SCAPER: variants seen among roughly 807,000 people sequenced by gnomAD.
The protein encoded by SCAPER is S-phase cyclin A associated protein in the ER, also known as S phase cyclin A-associated protein in the endoplasmic reticulum.
SCAPER carries 98 observed loss-of-function variants against 182.2 expected under a neutral mutation model. That is an observed-to-expected ratio of 0.54 (90% confidence interval 0.46 to 0.64). The LOEUF (loss-of-function observed/expected upper bound fraction) is 0.64. Among genes scored for constraint, SCAPER ranks in the 30% least tolerant of loss-of-function variants. The pLI is 0.00. For synonymous variants in SCAPER, 605 were observed against 564.6 expected, an observed-to-expected ratio of 1.07 and a Z score of -1.01; for missense variants, 1,432 against 1,690.0, an observed-to-expected ratio of 0.85 and a Z score of 2.68.
intron 20 of SCAPER, among the ~76,000 whole-genome samples, chr15:76,693,336 C>T (rs1176355389): frequency 6.6e-6 from 1 of 152,074 alleles, no homozygotes; most frequent in Non-Finnish European, 1.5e-5. Flanking sequence ...TTGAAAATAA[C>T]AAGTGTTGGC....
intron 8 of SCAPER, among the ~76,000 whole-genome samples, chr15:76,784,481 A>G (rs1233834954): frequency 1.3e-5 from 2 of 152,256 alleles, no homozygotes; most frequent in East Asian, 3.8e-4. Flanking sequence ...TACAGACTCA[A>G]TGCCATCCCC....
At chr15:76,724,215 G>A (rs1262019766) in intron 17 of SCAPER, among the ~76,000 whole-genome samples, 1 of 149,910 alleles carries the variant, frequency 6.7e-6, no homozygotes, top group Non-Finnish European at 1.5e-5. Flanking sequence ...GAAATACTGG[G>A]TTGAAAATTC....
chr15:76,770,461 C>A (rs987305830), intron 10 of SCAPER, among the ~76,000 whole-genome samples: 1 of 152,096 alleles, frequency 6.6e-6, no homozygotes, highest in African/African-American at 2.4e-5. Context: ...CACCTTATCA[C>A]CCTTGGTTTG....
chr15:76,626,359 A>G (rs1010410744), intron 21 of SCAPER, among the ~76,000 whole-genome samples: 3 of 152,232 alleles, frequency 2.0e-5, no homozygotes, highest in African/African-American at 7.2e-5. Context: ...AGGTATATAC[A>G]TAATGAGAAT....
intron 17 of SCAPER, among the ~76,000 whole-genome samples, chr15:76,719,068 G>A (rs1432029477): frequency 6.6e-6 from 1 of 152,044 alleles, no homozygotes; most frequent in African/African-American, 2.4e-5. Flanking sequence ...CAAAGGAAAT[G>A]GAATCACCAC....
intron 7 of SCAPER, among the ~76,000 whole-genome samples, chr15:76,800,032 T>C (rs2084720092): frequency 6.6e-6 from 1 of 151,556 alleles, no homozygotes; most frequent in East Asian, 1.9e-4. Context: ...CCATCAGATC[T>C]AGGAACCTTA....
chr15:76,878,948 A>T (rs1042000724), intron 2 of SCAPER, among the ~76,000 whole-genome samples: 7 of 152,220 alleles, frequency 4.6e-5, no homozygotes, highest in South Asian at 4.1e-4. Flanking sequence ...TACCAAAAAA[A>T]TTTTTTTAAT....
chr15:76,496,132 C>T (rs1467503088), intron 24 of SCAPER, among the ~76,000 whole-genome samples: 1 of 151,914 alleles, frequency 6.6e-6, no homozygotes, highest in Non-Finnish European at 1.5e-5. Context: ...TAATCGCATG[C>T]CTTCTGAACA....
At chr15:76,846,216 C>A (rs2070066586) in intron 4 of SCAPER, among the ~76,000 whole-genome samples, 1 of 152,104 alleles carries the variant, frequency 6.6e-6, no homozygotes, top group African/African-American at 2.4e-5. Context: ...TGACTTAAAT[C>A]TAAGACCTCA....
chr15:76,785,826 C>T (rs1356644093), intron 8 of SCAPER, among the ~76,000 whole-genome samples: 8 of 152,026 alleles, frequency 5.3e-5, no homozygotes, highest in African/African-American at 7.2e-5. Flanking sequence ...AACTGAACAA[C>T]GCGAACACCT....
At chr15:76,419,707 C>G (rs535040082) in intron 26 of SCAPER, among the ~76,000 whole-genome samples, 1 of 151,820 alleles carries the variant, frequency 6.6e-6, no homozygotes, top group East Asian at 1.9e-4. Flanking sequence ...GCAACAAGAG[C>G]AAAACTCTGT....
intron 24 of SCAPER, among the ~76,000 whole-genome samples, chr15:76,500,028 A>G (rs1216390394): frequency 1.3e-5 from 2 of 152,252 alleles, no homozygotes; most frequent in South Asian, 4.1e-4. Flanking sequence ...ACTTAAACAC[A>G]TGCACTTTTA....
intron 2 of SCAPER, among the ~76,000 whole-genome samples, chr15:76,867,797 TG>T (rs2072404715): frequency 6.6e-6 from 1 of 152,218 alleles, no homozygotes; most frequent in South Asian, 2.1e-4. Context: ...CAAAACCACT[TG>T]CTTTCTTTCC....
chr15:76,719,615 G>C (rs1472676746), intron 17 of SCAPER, among the ~76,000 whole-genome samples: 1 of 152,086 alleles, frequency 6.6e-6, no homozygotes, highest in Non-Finnish European at 1.5e-5. Context: ...CTTCACTATA[G>C]TAAACCTTTT....
chr15:76,374,470 G>A (rs2042395096), intron 29 of SCAPER, among the ~76,000 whole-genome samples: 1 of 151,006 alleles, frequency 6.6e-6, no homozygotes, highest in Non-Finnish European at 1.5e-5. Flanking sequence ...ATACAATTAA[G>A]GTTGGCTGAG....
At chr15:76,848,204 T>C (rs1048750071) in intron 4 of SCAPER, among the ~76,000 whole-genome samples, 4 of 151,954 alleles carry the variant, frequency 2.6e-5, no homozygotes, top group African/African-American at 4.8e-5. Context: ...TTCACCATGC[T>C]GGCCAGGCTG....
At chr15:76,510,893 G>A (rs993893054) in intron 23 of SCAPER, among the ~76,000 whole-genome samples, 3 of 152,078 alleles carry the variant, frequency 2.0e-5, no homozygotes, top group African/African-American at 7.2e-5. Flanking sequence ...GTGTGTGCGC[G>A]CGCGCACGTA....
intron 8 of SCAPER, among the ~76,000 whole-genome samples, chr15:76,783,547 T>C (rs564296141): frequency 2.0e-5 from 3 of 152,156 alleles, no homozygotes; most frequent in Admixed American, 6.5e-5. Context: ...GCCAGCATCA[T>C]CCAGATATGA....
intron 11 of SCAPER, among the ~76,000 whole-genome samples, chr15:76,766,190 G>A (rs3102714): frequency 0.15 from 23,265 of 151,688 alleles, 1,980 homozygotes; most frequent in African/African-American, 0.24. Flanking sequence ...TCCGCCTCCC[G>A]GGTTCAAACT....
Sources: allele counts gnomAD v4.1 joint callset (sites outside exome capture counted in the v4.1 genomes callset), GRCh38; gene constraint gnomAD v4.1.1; transcripts MANE v1.5; gene names NCBI Gene and HGNC (gene_info 2026-07-23, HGNC 2026-07-21).